The following RBFOX1 variants were observed in gnomAD, a reference collection of about 807,000 sequenced individuals.
The protein encoded by RBFOX1 is RNA binding fox-1 homolog 1.
RBFOX1 carries 8 observed loss-of-function variants against 57.7 expected under a neutral mutation model. That is an observed-to-expected ratio of 0.14 (90% CI 0.08 to 0.25). The LOEUF is 0.25. Among genes scored for constraint, RBFOX1 ranks in the 10% least tolerant of loss-of-function variants. RBFOX1 has a pLI of 1.00. For synonymous variants in RBFOX1, 326 were observed against 222.4 expected (o/e 1.47, Z -4.15); for missense variants, 611 against 548.5 (o/e 1.11, Z -1.14).
At chr16:7,482,413 G>T (rs1203015249) in intron 4 of RBFOX1, among the ~76,000 whole-genome samples, 1 of 152,064 alleles carries the variant, frequency 6.6e-6, no homozygotes, top group African/African-American at 2.4e-5. Flanking sequence ...GCCAGCTGTA[G>T]CCTTATTCCT....
At chr16:6,217,777 G>A (rs1302375656) in intron 1 of RBFOX1, among the ~76,000 whole-genome samples, 1 of 152,184 alleles carries the variant, frequency 6.6e-6, no homozygotes, top group Non-Finnish European at 1.5e-5. Flanking sequence ...CACTTTGGGA[G>A]GCTAAGGCGG....
At chr16:7,682,779 A>C (rs1382906243) in intron 14 of RBFOX1, among the ~76,000 whole-genome samples, 1 of 150,952 alleles carries the variant, frequency 6.6e-6, no homozygotes, top group Non-Finnish European at 1.5e-5. Flanking sequence ...TACATGTATA[A>C]ACACACACTT....
intron 3 of RBFOX1, among the ~76,000 whole-genome samples, chr16:5,722,579 G>GGCAT (rs1303896350): frequency 6.6e-6 from 1 of 152,114 alleles, no homozygotes; most frequent in Non-Finnish European, 1.5e-5. Flanking sequence ...GTCCCAGGAA[G>GGCAT]GCATCTTTAT....
At chr16:7,225,567 C>T (rs527421595) in intron 4 of RBFOX1, among the ~76,000 whole-genome samples, 43 of 151,836 alleles carry the variant, frequency 2.8e-4, no homozygotes, top group Non-Finnish European at 5.4e-4. Context: ...TGAAAGTAGA[C>T]TAATACAGTG....
intron 2 of RBFOX1, among the ~76,000 whole-genome samples, chr16:6,431,334 G>A (rs532248656): frequency 6.6e-6 from 1 of 151,946 alleles, no homozygotes; most frequent in Non-Finnish European, 1.5e-5. Context: ...GGTGAGGCAG[G>A]TGGATGGCAA....
intron 3 of RBFOX1, among the ~76,000 whole-genome samples, chr16:5,760,094 A>C (rs184032551): frequency 3.3e-5 from 5 of 152,036 alleles, no homozygotes; most frequent in African/African-American, 1.2e-4. Flanking sequence ...TTGCTTACCT[A>C]ATATTTATTG....
At chr16:7,498,683 C>G (rs2069549102) in intron 4 of RBFOX1, among the ~76,000 whole-genome samples, 1 of 152,098 alleles carries the variant, frequency 6.6e-6, no homozygotes, top group Non-Finnish European at 1.5e-5. Context: ...TTGCCATGTA[C>G]AGTACGCGTC....
intron 1 of RBFOX1, among the ~76,000 whole-genome samples, chr16:5,313,706 A>C (rs1196624270): frequency 2.0e-5 from 3 of 152,126 alleles, no homozygotes; most frequent in African/African-American, 7.2e-5. Context: ...TTTTAAAACC[A>C]TCAGATCTCC....
At chr16:6,073,791 A>G (rs918752) in intron 1 of RBFOX1, among the ~76,000 whole-genome samples, 2 of 150,818 alleles carry the variant, frequency 1.3e-5, no homozygotes, top group East Asian at 2.0e-4. Flanking sequence ...AAAGGTATAT[A>G]TTTTTTTTAT....
At chr16:7,177,222 G>A (rs904292036) in intron 4 of RBFOX1, among the ~76,000 whole-genome samples, 3 of 152,150 alleles carry the variant, frequency 2.0e-5, no homozygotes, top group Non-Finnish European at 4.4e-5. Context: ...TCCAATCAAA[G>A]GGGAAATTTG....
chr16:7,484,115 C>A (rs941720817), intron 4 of RBFOX1, among the ~76,000 whole-genome samples: 4 of 152,072 alleles, frequency 2.6e-5, no homozygotes, highest in South Asian at 4.1e-4. Context: ...TGAGTCCTTT[C>A]CCTGAGCATA....
chr16:6,282,548 C>T (rs1390287335), intron 1 of RBFOX1, among the ~76,000 whole-genome samples: 2 of 151,944 alleles, frequency 1.3e-5, no homozygotes, highest in East Asian at 3.9e-4. Context: ...GCCCACCACC[C>T]CCGACAGGCC....
rs2059417689 is a variant in RBFOX1, at chr16:5,947,211, G to A, written c.351+79876G>A. On this transcript the variant is annotated intron_variant, in intron 4 of 19. Coordinates refer to the RBFOX1 transcript ENST00000641259. This position sits in a 1 kb window ranked among gnomAD's most constrained non-coding sequence, Gnocchi z 7.2. ...AGCCTGGGTGGCAGAGTGAGACTCTGTCTCTAAAACAAAACAAACCAGAAG... is the reference window on the plus strand; with the variant it reads ...AGCCTGGGTGGCAGAGTGAGACTCTATCTCTAAAACAAAACAAACCAGAAG... Among the ~76,000 whole-genome samples, 1 of 152,094 alleles carries A rather than the reference G, an allele frequency of 6.6e-6. No homozygotes were observed. The highest frequency in any genetic ancestry group is 2.1e-4 in the South Asian group (1 of 4,822).
intron 3 of RBFOX1, among the ~76,000 whole-genome samples, chr16:6,812,346 A>G (rs149710275): frequency 6.6e-6 from 1 of 152,162 alleles, no homozygotes; most frequent in Non-Finnish European, 1.5e-5. Flanking sequence ...AGTGCCAATT[A>G]GCACTGCAAA....
intron 3 of RBFOX1, among the ~76,000 whole-genome samples, chr16:5,693,983 T>C (rs985137947): frequency 7.4e-4 from 113 of 152,210 alleles, no homozygotes; most frequent in African/African-American, 2.7e-3. Context: ...ATCTTGTCTA[T>C]CTTTTGCTAG....
At chr16:7,029,093 C>T (rs774988787) in intron 3 of RBFOX1, among the ~76,000 whole-genome samples, 6,223 of 29,818 alleles carry the variant, frequency 0.21, 987 homozygotes, top group Non-Finnish European at 0.27. Flanking sequence ...CACACACACA[C>T]ACACACACAC....
intron 3 of RBFOX1, among the ~76,000 whole-genome samples, chr16:6,942,921 G>C (rs543813300): frequency 6.6e-6 from 1 of 152,192 alleles, no homozygotes; most frequent in Admixed American, 6.5e-5. Context: ...GGTACCGACA[G>C]GGCTCGCATT....
In RBFOX1 at chr16:7,579,784, A is replaced by T; in HGVS notation, c.278A>T (p.Asp93Val). ...QTVSGTATQTDDAAPTDGQPQ... is the reference protein window; with the variant it reads ...QTVSGTATQTVDAAPTDGQPQ... ...TTCTTCTTGTTCTTTTAGCAGACAGATGACGCAGCACCGACGGATGGCCAG... is the reference window on the plus strand; with the variant it reads ...TTCTTCTTGTTCTTTTAGCAGACAGTTGACGCAGCACCGACGGATGGCCAG... Residue 93 changes from aspartate (D) to valine (V), a missense_variant, in exon 6 of 16, where the codon GAT (aspartate) becomes GTT (valine). This residue lies in a region of RBFOX1 where 245 missense variants were observed against 159.1 expected (regional missense o/e 1.54). Transcript: ENST00000550418. The T allele has an allele frequency of 6.2e-7, 1 of 1,614,046 alleles. No homozygotes were observed. Among genetic ancestry groups the T allele is most frequent in the Non-Finnish European group, 8.5e-7 (1 of 1,179,978 alleles).
chr16:5,669,973 C>G (rs974316986), intron 3 of RBFOX1, among the ~76,000 whole-genome samples: 2 of 152,192 alleles, frequency 1.3e-5, no homozygotes, highest in Non-Finnish European at 2.9e-5. Context: ...ACATTGTGGT[C>G]TATCCATACA....
Sources: gnomAD v4.1 joint callset for allele counts (sites outside exome capture counted in the v4.1 genomes callset) on GRCh38, gnomAD v4.1.1 for gene constraint, gnomAD v4.1.1 regional missense constraint, Gnocchi (gnomAD v3.1) non-coding constraint, MANE v1.5 for transcripts, NCBI Gene and HGNC (gene_info 2026-07-23, HGNC 2026-07-21) for gene names.